The following EIF5 variants were observed in gnomAD, a reference collection of about 807,000 sequenced individuals.
EIF5 encodes eukaryotic translation initiation factor 5.
A neutral mutation model predicts 48.3 loss-of-function variants in EIF5; 10 were observed. That is an observed-to-expected ratio of 0.21 (90% CI 0.13 to 0.35). The LOEUF (loss-of-function observed/expected upper bound fraction) is 0.35, where lower values mean the gene tolerates loss of function less well. EIF5 is among the 10% of genes least tolerant of loss of function. The pLI is 1.00. For synonymous variants in EIF5, 237 were observed against 173.1 expected (o/e 1.37, Z -2.90); for missense variants, 397 against 533.2 (o/e 0.74, Z 2.51).
In EIF5 at chr14:103,340,960, C is replaced by T. The variant is rs556731524; in HGVS notation, c.1207-3C>T. On this transcript the variant is annotated splice_region_variant and splice_polypyrimidine_tract_variant and intron_variant, in intron 11 of 11. Transcript: ENST00000216554. Reference sequence around the variant, plus strand: ...TGTTGAATAAAATCATTCCTCTTAACAGGTGGTGTATTCGAAGGCTGCCAG... The same window carrying T: ...TGTTGAATAAAATCATTCCTCTTAATAGGTGGTGTATTCGAAGGCTGCCAG... 1.5e-5 allele frequency: 25 copies of T among 1,613,112 alleles called. No individual in the cohort carries two copies. In the African/African-American group the frequency reaches 3.1e-4, roughly 20 times the overall value.
intron 11 of EIF5, 128 bp from the exon 12 acceptor site, chr14:103,340,835 A>G: frequency 1.0e-6 from 1 of 1,002,246 alleles, no homozygotes; most frequent in East Asian, 2.5e-5. Flanking sequence ...TTTGCATAAC[A>G]GAGCTGTTCC....
chr14:103,339,134 G>A (rs1196509866), intron 8 of EIF5, 38 bp from the exon 9 acceptor site: 1 of 1,576,474 alleles, frequency 6.3e-7, no homozygotes, highest in Admixed American at 1.9e-5. Flanking sequence ...GGCAAAGTGT[G>A]CCTCCATTGC....
chr14:103,336,479 G>T lies in EIF5; in HGVS notation c.155-198G>T, dbSNP rs557808284. On this transcript the variant is annotated intron_variant, in intron 4 of 11. Coordinates refer to ENST00000216554, the MANE Select transcript of EIF5 (RefSeq NM_001969.5). The stretch of plus-strand genomic sequence containing the variant: ...GCTTGTAGTCCCAGCTACTTGGGAG[G>T]CTGAAGGGGGAGAATCGCTTGAACC... The T allele has an allele frequency of 3.3e-4, 194 of 594,848 alleles. 1 individual carries two copies. The African/African-American group carries it at 3.4e-3, about 10-fold the overall frequency. The allele number at this position is 594,848 out of a possible 1,614,324, so 36.8% of individuals were successfully genotyped here. A position where few individuals can be genotyped will look rare whatever the true frequency, so the allele number is the denominator to read the frequency against.
chr14:103,337,722 A>T, intron 6 of EIF5: 1 of 413,852 alleles, frequency 2.4e-6, no homozygotes, highest in Non-Finnish European at 4.7e-6. Flanking sequence ...AAACTGTGCC[A>T]TATCAATTAA....
At chr14:103,335,126 C>T (rs2140357605) in intron 2 of EIF5, 1 of 152,444 alleles carries the variant, frequency 6.6e-6, no homozygotes, top group South Asian at 2.1e-4. Flanking sequence ...TTCGCTCGCG[C>T]TCTCTTGCTT....
At position 103,335,665 on chromosome 14, in the gene EIF5, G is replaced by C. The variant is rs1349494059; in HGVS notation, c.-196G>C. On this transcript the variant is annotated 5_prime_UTR_variant, in exon 3 of 12. Coordinates refer to ENST00000216554, the MANE Select transcript of EIF5 (RefSeq NM_001969.5). ...CTTTTTCTTTCAGAGCTGTTGCGCAGCCATTGGTACCTGTATTGGGGAAAC... is the reference window on the plus strand; with the variant it reads ...CTTTTTCTTTCAGAGCTGTTGCGCACCCATTGGTACCTGTATTGGGGAAAC... 6.8e-6 allele frequency: 4 copies of C among 589,534 alleles called. No homozygotes were observed. The highest frequency in any genetic ancestry group is 1.9e-5 in the African/African-American group (1 of 53,740). The allele number at this position is 589,534 out of a possible 1,614,324, so 36.5% of individuals were successfully genotyped here.
intron 2 of EIF5, chr14:103,335,398 G>A: frequency 6.2e-6 from 1 of 160,580 alleles, no homozygotes; most frequent in Non-Finnish European, 1.4e-5. Flanking sequence ...TCTCACGGCG[G>A]CTGAGGCAGC....
intron 11 of EIF5, 97 bp from the exon 12 acceptor site, chr14:103,340,866 T>A: frequency 8.3e-7 from 1 of 1,208,012 alleles, no homozygotes; most frequent in East Asian, 2.4e-5. Flanking sequence ...AATAGCTGCA[T>A]CTAGGCAGTT....
At chr14:103,337,604 A>C (rs536138016) in intron 6 of EIF5, 39 of 325,116 alleles carry the variant, frequency 1.2e-4, no homozygotes, top group African/African-American at 7.2e-4. Flanking sequence ...TCTCAAAAAA[A>C]CAATATAAGG....
chr14:103,335,474 T>G (rs1425290983), intron 2 of EIF5, 179 bp from the exon 3 acceptor site: 1 of 195,222 alleles, frequency 5.1e-6, no homozygotes, highest in South Asian at 8.9e-5. Context: ...GGAGGCCTTT[T>G]TATGTTCCCG....
intron 2 of EIF5, 162 bp from the exon 3 acceptor site, chr14:103,335,491 G>A (rs1278366229): frequency 4.0e-6 from 1 of 247,714 alleles, no homozygotes; most frequent in Non-Finnish European, 8.0e-6. Context: ...CCCGCAGATT[G>A]TACTGTGTTA....
At chr14:103,338,499 G>A (rs2089316434) in intron 7 of EIF5, 27 bp downstream of exon 7, 2 of 1,549,756 alleles carry the variant, frequency 1.3e-6, no homozygotes, top group Non-Finnish European at 1.7e-6. Flanking sequence ...TGGCCTAGTG[G>A]GCACTAAAGT....
chr14:103,338,505 A>T (rs1338925204), intron 7 of EIF5, 33 bp downstream of exon 7: 1 of 1,543,784 alleles, frequency 6.5e-7, no homozygotes, highest in Non-Finnish European at 8.7e-7. Flanking sequence ...AGTGGGCACT[A>T]AAGTTGTGTA....
Position 103,336,142 on chromosome 14 carries a change from C to A in EIF5, c.154+25C>A, listed in dbSNP as rs1467811651. On this transcript the variant is annotated intron_variant, in intron 4 of 11. Coordinates refer to ENST00000216554, the MANE Select transcript of EIF5 (RefSeq NM_001969.5). ...TGTAAGTAAAGCTTGGAAAAGTCCA[C>A]AGGGCATATTATGGATAGAGTCTTC... 3 of 1,609,802 alleles carry A rather than the reference C, an allele frequency of 1.9e-6. No homozygotes were observed. The African/African-American group carries it at 4.0e-5, about 22-fold the overall frequency.
In EIF5 at chr14:103,341,352, C is replaced by T. The variant is rs372527871; in HGVS notation, c.*300C>T. 7.5e-5 allele frequency: 17 copies of T among 226,604 alleles called. No individual in the cohort carries two copies. The highest frequency in any genetic ancestry group is 3.8e-4 in the East Asian group (4 of 10,498). 14.0% of individuals were successfully genotyped at this position (226,604 alleles called of 1,614,324 possible). On this transcript the variant is annotated 3_prime_UTR_variant, in exon 12 of 12. Coordinates refer to ENST00000216554, the MANE Select transcript of EIF5 (RefSeq NM_001969.5). ...ATAAAAATAAAGGTTTGATTTTGGT[C>T]GTTCTTCAGATGTTTGGCTCTGAAT...
In EIF5 at chr14:103,337,859, CTG is replaced by C. The variant is rs1337005170; in HGVS notation, c.440-465_440-464del. 6 of 519,328 alleles carry C rather than the reference CTG, an allele frequency of 1.2e-5. No homozygotes were observed. In the East Asian group the frequency reaches 1.6e-4, roughly 14 times the overall value. The allele number at this position is 519,328 out of a possible 1,614,324, so 32.2% of individuals were successfully genotyped here. On this transcript the variant is annotated intron_variant, in intron 6 of 11. Transcript: ENST00000216554. The stretch of plus-strand genomic sequence containing the variant: ...AAACTTGAATATTGCAAGCAACACT[CTG>C]TGGCAGATGATCAAAACTGTCTGAC...
At chr14:103,339,584 T>C in intron 9 of EIF5, 55 bp from the exon 10 acceptor site, 1 of 1,609,846 alleles carries the variant, frequency 6.2e-7, no homozygotes, top group Non-Finnish European at 8.5e-7. Context: ...GGTAATAGAG[T>C]TGTCAACTTA....
Position 103,336,854 on chromosome 14 carries a change from GT to G in EIF5, c.327+6del, listed in dbSNP as rs770594657. 3.1e-6 allele frequency: 5 copies of G among 1,609,598 alleles called. No individual in the cohort carries two copies. Among genetic ancestry groups the G allele is most frequent in the Non-Finnish European group, 4.2e-6 (5 of 1,178,388 alleles). ...GAGAATCCTGAAACAGATTTGGTAA[GT>G]GCTTTTGTGGTTGTCGAAAGAAAAA... On this transcript the variant is annotated splice_donor_region_variant and intron_variant, in intron 5 of 11. Coordinates refer to ENST00000216554, the MANE Select transcript of EIF5 (RefSeq NM_001969.5).
intron 11 of EIF5, 133 bp downstream of exon 11, chr14:103,340,694 C>G (rs2089343042): frequency 8.3e-7 from 1 of 1,210,008 alleles, no homozygotes; most frequent in East Asian, 2.4e-5. Flanking sequence ...CAGTAAAATA[C>G]AGCCTCTCAA....
Sources: gnomAD v4.1 joint callset for allele counts on GRCh38, gnomAD v4.1.1 for gene constraint, MANE v1.5 for transcripts, NCBI Gene and HGNC (gene_info 2026-07-23, HGNC 2026-07-21) for gene names.